The following RHBDD1 variants were observed in gnomAD, a reference collection of about 807,000 sequenced individuals.
RHBDD1 encodes the protein rhomboid-related protein 4.
Under a neutral mutation model 36.3 loss-of-function variants are expected in RHBDD1, and 38 were observed. The observed-to-expected ratio is 1.05, with a 90% CI of 0.81 to 1.37. RHBDD1 has a LOEUF of 1.37. RHBDD1 is among the 40% of genes most tolerant of loss of function. The pLI, the probability that RHBDD1 is intolerant of heterozygous loss-of-function variation, is 0.00. For missense variants in RHBDD1, 393 were observed against 377.6 expected, an observed-to-expected ratio of 1.04 and a Z score of -0.34; for synonymous variants, 151 against 136.5, an observed-to-expected ratio of 1.11 and a Z score of -0.74.
At chr2:226,955,974 A>G (rs1378876920) in intron 8 of RHBDD1, among the ~76,000 whole-genome samples, 37 of 152,218 alleles carry the variant, frequency 2.4e-4, no homozygotes, top group Non-Finnish European at 1.0e-4. Context: ...GCACACGCAG[A>G]TGCCAGGGTC....
intron 8 of RHBDD1, among the ~76,000 whole-genome samples, chr2:226,989,577 A>T (rs1957722805): frequency 6.6e-6 from 1 of 152,208 alleles, no homozygotes; most frequent in South Asian, 2.1e-4. Flanking sequence ...CAATTGTCCC[A>T]CAAATATTCT....
intron 3 of RHBDD1, among the ~76,000 whole-genome samples, chr2:226,856,699 G>A (rs187263374): frequency 5.8e-4 from 88 of 152,224 alleles, no homozygotes; most frequent in African/African-American, 2.0e-3. Flanking sequence ...AATGCATGTA[G>A]CGTTTGTGTA....
intron 6 of RHBDD1, 200 bp from the exon 7 acceptor site, chr2:226,908,622 T>A: frequency 3.8e-5 from 19 of 494,096 alleles, no homozygotes; most frequent in East Asian, 1.4e-4. Context: ...CACACACACA[T>A]TCTTTTCCCT....
At chr2:226,804,896 GC>G in the RHBDD1 span, 1 of 152,208 alleles carries the variant, frequency 6.6e-6, no homozygotes, top group Non-Finnish European at 1.5e-5. Context: ...AGTAGCTTAT[GC>G]TTGTAATCTC....
At chr2:226,964,137 G>C (rs1229599777) in intron 8 of RHBDD1, among the ~76,000 whole-genome samples, 1 of 152,148 alleles carries the variant, frequency 6.6e-6, no homozygotes, top group Non-Finnish European at 1.5e-5. Flanking sequence ...GAGCAAGTGA[G>C]TATGCAGTAA....
intron 8 of RHBDD1, among the ~76,000 whole-genome samples, chr2:226,971,256 A>G (rs1953432299): frequency 6.6e-6 from 1 of 152,178 alleles, no homozygotes; most frequent in Non-Finnish European, 1.5e-5. Context: ...TGCTTACTAA[A>G]TGCTTGTTGG....
intron 1 of RHBDD1, 125 bp downstream of exon 1, chr2:226,836,212 C>CG (rs898944225): frequency 1.3e-5 from 2 of 153,040 alleles, no homozygotes; most frequent in South Asian, 2.1e-4. Context: ...CGGCGCCTCC[C>CG]GGGGGGCTAG....
intron 8 of RHBDD1, among the ~76,000 whole-genome samples, chr2:226,974,383 G>A (rs566300155): frequency 1.3e-5 from 2 of 151,986 alleles, no homozygotes; most frequent in South Asian, 2.1e-4. Context: ...AATTACAGGC[G>A]CCCACCACTG....
intron 8 of RHBDD1, among the ~76,000 whole-genome samples, chr2:226,940,131 C>T (rs572177818): frequency 6.6e-6 from 1 of 152,256 alleles, no homozygotes; most frequent in Admixed American, 6.5e-5. Flanking sequence ...GGATCAAAGA[C>T]TTAAATGTAA....
chr2:226,866,492 A>G (rs952936097), intron 4 of RHBDD1, among the ~76,000 whole-genome samples: 3 of 152,262 alleles, frequency 2.0e-5, no homozygotes, highest in Middle Eastern at 6.8e-3. Context: ...TACTAGCACA[A>G]GGTTACCCAG....
chr2:226,867,634 G>A (rs1944450088), intron 5 of RHBDD1: 1 of 985,032 alleles, frequency 1.0e-6, no homozygotes, highest in Non-Finnish European at 1.2e-6. Flanking sequence ...CTGAAAGCAA[G>A]ATTCCAAAGA....
intron 8 of RHBDD1, among the ~76,000 whole-genome samples, chr2:226,932,547 C>T (rs1006726482): frequency 4.6e-5 from 7 of 151,984 alleles, no homozygotes; most frequent in African/African-American, 1.7e-4. Flanking sequence ...GGGTTTTTCT[C>T]GGTATCTGCT....
At chr2:226,899,651 T>C (rs753268522) in intron 5 of RHBDD1, among the ~76,000 whole-genome samples, 6 of 152,168 alleles carry the variant, frequency 3.9e-5, no homozygotes, top group Admixed American at 6.5e-5. Context: ...AAAAGACAGA[T>C]TGCCTACAGA....
intron 8 of RHBDD1, among the ~76,000 whole-genome samples, chr2:226,918,900 A>G (rs1396108129): frequency 2.0e-5 from 3 of 152,056 alleles, no homozygotes; most frequent in East Asian, 1.9e-4. Context: ...ACTGTTCTCC[A>G]TAGTGGTTGT....
rs1215749395 is a variant in RHBDD1 at position 226,997,639 on chromosome 2, A to G, written c.*2117A>G. On this transcript the variant is annotated 3_prime_UTR_variant, in exon 9 of 9. Transcript: ENST00000392062. ...GAAGTATTTTATTTTTTATTTTTTT[A>G]TATCACTTGAGTCCACTAGTAGTAC... 6.6e-6 allele frequency: 1 copy of G among 152,042 alleles called. No individual in the cohort carries two copies. Among genetic ancestry groups the G allele is most frequent in the Non-Finnish European group, 1.5e-5 (1 of 68,018 alleles). 9.4% of individuals were successfully genotyped at this position (152,042 alleles called of 1,614,324 possible).
At chr2:226,819,849 C>T in the RHBDD1 span, among the ~76,000 whole-genome samples, 1 of 152,074 alleles carries the variant, frequency 6.6e-6, no homozygotes, top group Non-Finnish European at 1.5e-5. Context: ...CAAAATAAGC[C>T]TTTCCCCTCA....
intron 8 of RHBDD1, among the ~76,000 whole-genome samples, chr2:226,918,043 A>G (rs1949037551): frequency 6.6e-6 from 1 of 152,082 alleles, no homozygotes; most frequent in African/African-American, 2.4e-5. Flanking sequence ...AGTAATTAAT[A>G]CTAACTCCTA....
intron 8 of RHBDD1, among the ~76,000 whole-genome samples, chr2:226,986,346 T>TATCA (rs1475111595): frequency 1.3e-5 from 2 of 152,258 alleles, no homozygotes; most frequent in African/African-American, 2.4e-5. Flanking sequence ...CAGAGGAATG[T>TATCA]ATCAATGTTG....
At chr2:226,854,623 G>A (rs181517377) in intron 3 of RHBDD1, among the ~76,000 whole-genome samples, 1 of 142,204 alleles carries the variant, frequency 7.0e-6, no homozygotes, top group African/African-American at 2.7e-5. Context: ...AAAAAAAGGC[G>A]CTTACCTAAT....
Sources: allele counts gnomAD v4.1 joint callset (sites outside exome capture counted in the v4.1 genomes callset), GRCh38; gene constraint gnomAD v4.1.1; transcripts MANE v1.5; gene names NCBI Gene and HGNC (gene_info 2026-07-23, HGNC 2026-07-21).